The following GTF3C3 variants were observed in gnomAD, a reference collection of about 807,000 sequenced individuals.
GTF3C3 encodes the protein general transcription factor 3C polypeptide 3.
Under a neutral mutation model 105.2 loss-of-function variants are expected in GTF3C3, and 75 were observed. The observed-to-expected ratio is 0.71, with a 90% confidence interval of 0.59 to 0.86. The LOEUF (loss-of-function observed/expected upper bound fraction) is 0.86, where lower values mean the gene tolerates loss of function less well. Ranked by LOEUF, GTF3C3 falls within the 40% of genes least tolerant of loss-of-function variation. The probability of loss-of-function intolerance (pLI) is 0.00; values close to 1 mark genes in which losing one functional copy is unlikely to be tolerated. For synonymous variants in GTF3C3, 335 were observed against 370.4 expected (o/e 0.90, Z 1.10); for missense variants, 856 against 1,076.5 (o/e 0.80, Z 2.87).
rs769914255 is a variant in GTF3C3, at chr2:196,781,342, G to GAAAAAAAAAAAAAAAAAAAAAAAAA, written c.1115-681_1115-680insTTTTTTTTTTTTTTTTTTTTTTTTT. 6.4e-5 allele frequency among the ~76,000 whole-genome samples: 2 copies of GAAAAAAAAAAAAAAAAAAAAAAAAA among 31,456 alleles called. 1 individual carries two copies. The allele number at this position is 31,456 out of a possible 152,430, so 20.6% of individuals were successfully genotyped here. A position where few individuals can be genotyped will look rare whatever the true frequency, so the allele number is the denominator to read the frequency against. On this transcript the variant is annotated intron_variant, in intron 8 of 17. Coordinates refer to ENST00000263956, the MANE Select transcript of GTF3C3 (RefSeq NM_012086.5). Reference sequence around the variant, plus strand: ...AACTGCAGATCAAAAATGTTAAGGGGAAAAAAAAAAAAAAAATATATATAT... The same window carrying GAAAAAAAAAAAAAAAAAAAAAAAAA: ...AACTGCAGATCAAAAATGTTAAGGGGAAAAAAAAAAAAAAAAAAAAAAAAAAAAAAAAAAAAAAAAATATATATAT...
chr2:196,787,594 T>C (rs1037162060), intron 6 of GTF3C3, among the ~76,000 whole-genome samples: 3 of 152,184 alleles, frequency 2.0e-5, no homozygotes, highest in African/African-American at 7.2e-5. Flanking sequence ...ATACAGAGAA[T>C]TATGTCCTTC....
At chr2:196,773,219 T>C in intron 13 of GTF3C3, 66 bp from the exon 14 acceptor site, 1 of 875,118 alleles carries the variant, frequency 1.1e-6, no homozygotes, top group Non-Finnish European at 1.8e-6. Context: ...ATTAGAAAAA[T>C]TCACATCATC....
chr2:196,785,917 G>A (rs964054125), intron 6 of GTF3C3, among the ~76,000 whole-genome samples: 2 of 151,956 alleles, frequency 1.3e-5, no homozygotes, highest in African/African-American at 2.4e-5. Flanking sequence ...CCTACACCCC[G>A]CCTGGGCTCA....
Position 196,793,023 on chromosome 2 carries a change from T to G in GTF3C3, c.344A>C (p.Gln115Pro), listed in dbSNP as rs1440850061. Reference protein sequence around the residue: ...EEEEEEETPEQPTAGDVFVLE... With the variant: ...EEEEEEETPEPPTAGDVFVLE... The stretch of plus-strand genomic sequence containing the variant: ...TACAAATACATCGCCCGCAGTGGGT[T>G]GCTCAGGTGTTTCTTCCTCCTCCTC... The change falls in exon 3 of 18, where the codon CAA (glutamine) becomes CCA (proline). Residue 115 changes from glutamine (Q) to proline (P), a missense_variant. By Grantham distance (76) the Gln-to-Pro change is moderately conservative. Transcript: ENST00000263956. 1 of 1,613,936 alleles carries G rather than the reference T, an allele frequency of 6.2e-7. No homozygotes were observed. The highest frequency in any genetic ancestry group is 1.7e-5 in the Admixed American group (1 of 59,990).
At position 196,764,517 on chromosome 2, in the gene GTF3C3, G is replaced by A. The variant is rs1363918900; in HGVS notation, c.*46C>T. On this transcript the variant is annotated 3_prime_UTR_variant, in exon 18 of 18. Coordinates refer to ENST00000263956, the MANE Select transcript of GTF3C3 (RefSeq NM_012086.5). Reference sequence around the variant, plus strand: ...ATAAGCCCTGAGACAGAAGACACTGGTCCTCACACAGCAGCTGCCATTGCT... The same window carrying A: ...ATAAGCCCTGAGACAGAAGACACTGATCCTCACACAGCAGCTGCCATTGCT... The A allele has an allele frequency of 2.6e-6, 4 of 1,557,096 alleles. No individual in the cohort carries two copies. Among genetic ancestry groups the A allele is most frequent in the Non-Finnish European group, 3.5e-6 (4 of 1,143,744 alleles).
At chr2:196,792,083 T>A (rs1008755625) in intron 3 of GTF3C3, among the ~76,000 whole-genome samples, 2 of 152,206 alleles carry the variant, frequency 1.3e-5, no homozygotes, top group Non-Finnish European at 2.9e-5. Flanking sequence ...TGTAATTTAC[T>A]GAAGATCCCC....
chr2:196,769,799 CAT>C (rs755022048), intron 16 of GTF3C3, 114 bp downstream of exon 16: 9 of 783,382 alleles, frequency 1.1e-5, no homozygotes, highest in Admixed American at 2.6e-5. Flanking sequence ...GGACCCCCGT[CAT>C]GTGTACTGAG....
intron 2 of GTF3C3, among the ~76,000 whole-genome samples, chr2:196,796,395 C>T (rs1185541450): frequency 6.6e-6 from 1 of 152,182 alleles, no homozygotes; most frequent in East Asian, 1.9e-4. Context: ...CCCACTTGTG[C>T]CTGCTGCTAT....
At chr2:196,773,295 G>C in intron 13 of GTF3C3, 142 bp from the exon 14 acceptor site, 2 of 646,526 alleles carry the variant, frequency 3.1e-6, no homozygotes, top group African/African-American at 3.7e-5. Context: ...ACAAAGATGA[G>C]AAGGGGTAGT....
At chr2:196,789,801 A>G (rs1699515455) in intron 5 of GTF3C3, 78 bp downstream of exon 5, 2 of 882,316 alleles carry the variant, frequency 2.3e-6, no homozygotes, top group East Asian at 2.7e-5. Context: ...ATCACACCCC[A>G]GAATAGCAAA....
chr2:196,787,987 C>G (rs1360561017), intron 6 of GTF3C3, among the ~76,000 whole-genome samples: 1 of 152,198 alleles, frequency 6.6e-6, no homozygotes, highest in Non-Finnish European at 1.5e-5. Flanking sequence ...AGTATTATAT[C>G]TAATAGAAGT....
At chr2:196,775,922 A>G (rs1699251890) in intron 12 of GTF3C3, 88 bp downstream of exon 12, 1 of 564,266 alleles carries the variant, frequency 1.8e-6, no homozygotes, top group Non-Finnish European at 3.0e-6. Flanking sequence ...AAGAAAAACA[A>G]TTATAAAGTA....
intron 16 of GTF3C3, 71 bp downstream of exon 16, chr2:196,769,844 T>TA (rs550027151): frequency 3.3e-5 from 44 of 1,340,218 alleles, no homozygotes; most frequent in African/African-American, 4.5e-5. Context: ...GCAGGATTTT[T>TA]AAAAAAAGTA....
At chr2:196,793,308 A>C (rs549477448) in intron 2 of GTF3C3, among the ~76,000 whole-genome samples, 156 bp from the exon 3 acceptor site, 1 of 152,334 alleles carries the variant, frequency 6.6e-6, no homozygotes, top group Non-Finnish European at 1.5e-5. Context: ...ACCAAAGAAG[A>C]AAGTTATCAC....
At chr2:196,766,118 A>ATATT (rs1699063074) in intron 17 of GTF3C3, among the ~76,000 whole-genome samples, 1 of 152,150 alleles carries the variant, frequency 6.6e-6, no homozygotes, top group Non-Finnish European at 1.5e-5. Context: ...AAAAATTAAC[A>ATATT]TATTTCAGGA....
intron 2 of GTF3C3, among the ~76,000 whole-genome samples, chr2:196,794,457 A>G (rs919930518): frequency 1.3e-5 from 2 of 152,054 alleles, no homozygotes; most frequent in African/African-American, 4.8e-5. Flanking sequence ...ATTTTTTGAG[A>G]TGAAGTTTTC....
Position 196,784,940 on chromosome 2 carries a change from G to A in GTF3C3, c.1042-11C>T, listed in dbSNP as rs749972046. ...AAAATCTGTAATTATCTAAAAGAAT[G>A]GGAAAGAAGAAAGGAAATAAAATAT... On this transcript the variant is annotated splice_polypyrimidine_tract_variant and intron_variant, in intron 7 of 17. Coordinates refer to ENST00000263956, the MANE Select transcript of GTF3C3 (RefSeq NM_012086.5). 2 of 1,548,240 alleles carry A rather than the reference G, an allele frequency of 1.3e-6. No homozygotes were observed. The highest frequency in any genetic ancestry group is 1.4e-5 in the African/African-American group (1 of 73,132).
intron 8 of GTF3C3, among the ~76,000 whole-genome samples, chr2:196,783,405 A>G (rs1396173414): frequency 6.6e-6 from 1 of 152,178 alleles, no homozygotes; most frequent in Non-Finnish European, 1.5e-5. Context: ...TTTCAACACA[A>G]TTAAGAAGAA....
rs1281852091 is a variant in GTF3C3, at chr2:196,786,118, C to T, written c.894-530G>A. Among the ~76,000 whole-genome samples the T allele has an allele frequency of 6.6e-6, 1 of 152,146 alleles. No homozygotes were observed. The highest frequency in any genetic ancestry group is 1.9e-4 in the East Asian group (1 of 5,192). On this transcript the variant is annotated intron_variant, in intron 6 of 17. Coordinates refer to ENST00000263956, the MANE Select transcript of GTF3C3 (RefSeq NM_012086.5). This position sits in a 1 kb window ranked among gnomAD's most constrained non-coding sequence, Gnocchi z 4.2. ...ACTGGTCTCACTCTAAACTGATGACCAATAGCCTCAAGCAGGTCCATGGTA... is the reference window on the plus strand; with the variant it reads ...ACTGGTCTCACTCTAAACTGATGACTAATAGCCTCAAGCAGGTCCATGGTA...
Sources: gnomAD v4.1 joint callset for allele counts (sites outside exome capture counted in the v4.1 genomes callset) on GRCh38, gnomAD v4.1.1 for gene constraint, Gnocchi (gnomAD v3.1) non-coding constraint, MANE v1.5 for transcripts, NCBI Gene and HGNC (gene_info 2026-07-23, HGNC 2026-07-21) for gene names.